The following FLI1 variants were observed in gnomAD, a reference collection of about 807,000 sequenced individuals.
FLI1 encodes Fli-1 proto-oncogene, ETS transcription factor.
Under a neutral mutation model 53.1 loss-of-function variants are expected in FLI1, and 13 were observed. The observed-to-expected ratio is 0.24, with a 90% CI of 0.16 to 0.39. The LOEUF (loss-of-function observed/expected upper bound fraction) is 0.39. FLI1 is among the 10% of genes least tolerant of loss of function. The pLI is 1.00. For missense variants in FLI1, 424 were observed against 600.5 expected, an observed-to-expected ratio of 0.71 and a Z score of 3.07; for synonymous variants, 244 against 236.7, an observed-to-expected ratio of 1.03 and a Z score of -0.28.
chr11:128,754,846 G>A (rs1488496840), intron 1 of FLI1, among the ~76,000 whole-genome samples: 1 of 152,206 alleles, frequency 6.6e-6, no homozygotes, highest in Admixed American at 6.5e-5. Flanking sequence ...CCGGTGAACC[G>A]GGACGCTCTC....
upstream of FLI1, chr11:128,686,239 C>A: frequency 2.4e-6 from 1 of 423,814 alleles, no homozygotes; most frequent in Non-Finnish European, 4.8e-6. Context: ...CTGTCCTGGT[C>A]GCGTTCTCTC....
chr11:128,685,269 G>A (rs563055479), upstream of FLI1, among the ~76,000 whole-genome samples: 113 of 152,328 alleles, frequency 7.4e-4, no homozygotes, highest in African/African-American at 2.5e-3. Flanking sequence ...TCACTGGCTG[G>A]GTTCTGGGAG....
intron 1 of FLI1, among the ~76,000 whole-genome samples, chr11:128,755,397 T>G (rs1391707215): frequency 1.3e-5 from 2 of 152,244 alleles, no homozygotes; most frequent in Non-Finnish European, 2.9e-5. Context: ...CATCTGTTTT[T>G]GTAGCAGGAC....
At position 128,784,024 on chromosome 11, in the gene FLI1, A is replaced by C. The variant is rs114236884; in HGVS notation, c.655+2001A>C. On this transcript the variant is annotated intron_variant, in intron 5 of 8. Transcript: ENST00000527786. ...GAAGGAGGAAGGGAGGGATGGGAGG[A>C]ACCCTAACCTCTGAACTGCTGAGTT... Among the ~76,000 whole-genome samples the C allele has an allele frequency of 8.9e-3, 1,353 of 152,122 alleles. 17 individuals are homozygous for C. The highest frequency in any genetic ancestry group is 0.027 in the African/African-American group (1,137 of 41,490).
chr11:128,793,742 T>A (rs56145199), intron 5 of FLI1, among the ~76,000 whole-genome samples: 18,099 of 152,262 alleles, frequency 0.12, 1,181 homozygotes, highest in East Asian at 0.27. Flanking sequence ...TGTGCTCTGC[T>A]ACATTAATGA....
In FLI1 at chr11:128,746,262, A is replaced by T. The variant is rs140914026; in HGVS notation, c.19-11853A>T. 2.5e-3 allele frequency among the ~76,000 whole-genome samples: 379 copies of T among 152,302 alleles called. 3 individuals are homozygous for T. Among genetic ancestry groups the T allele is most frequent in the African/African-American group, 8.0e-3 (334 of 41,550 alleles). Reference sequence around the variant, plus strand: ...ATGAAAACCAGGAATCAGACTGATGAGGTTCTTCTCTTCAGGGTGCCTAAC... The same window carrying T: ...ATGAAAACCAGGAATCAGACTGATGTGGTTCTTCTCTTCAGGGTGCCTAAC... On this transcript the variant is annotated intron_variant, in intron 1 of 8. Coordinates refer to ENST00000527786, the MANE Select transcript of FLI1 (RefSeq NM_002017.5).
chr11:128,694,243 C>A lies in FLI1; in HGVS notation c.-16C>A. ...ATGTGTGGAATATTGGGGGGCTCGG[C>A]TGCAGACTTGGCCAAATGGACGGGA... On this transcript the variant is annotated 5_prime_UTR_variant, in exon 1 of 9. It adds an upstream start codon to the 5' untranslated region. Coordinates refer to ENST00000527786, the MANE Select transcript of FLI1 (RefSeq NM_002017.5). 1 of 1,492,060 alleles carries A rather than the reference C, an allele frequency of 6.7e-7. No homozygotes were observed. Among genetic ancestry groups the A allele is most frequent in the African/African-American group, 1.5e-5 (1 of 68,572 alleles). 92.4% of individuals were successfully genotyped at this position (1,492,060 alleles called of 1,614,324 possible).
chr11:128,714,079 G>T (rs571350318), intron 1 of FLI1, among the ~76,000 whole-genome samples: 31 of 152,184 alleles, frequency 2.0e-4, no homozygotes, highest in African/African-American at 6.7e-4. Context: ...AGGTTAATAT[G>T]CCTTTACTAT....
intron 1 of FLI1, among the ~76,000 whole-genome samples, chr11:128,702,192 C>T (rs1938360168): frequency 6.6e-6 from 1 of 152,210 alleles, no homozygotes; most frequent in South Asian, 2.1e-4. Flanking sequence ...TGTATTCATT[C>T]ACCCAAATGT....
intron 1 of FLI1, among the ~76,000 whole-genome samples, chr11:128,753,315 G>A (rs1940725889): frequency 6.6e-6 from 1 of 152,234 alleles, no homozygotes; most frequent in South Asian, 2.1e-4. Context: ...TTCTCACTTG[G>A]AAGTCAATTT....
chr11:128,761,548 G>C (rs1284055764), intron 2 of FLI1, among the ~76,000 whole-genome samples: 1 of 152,176 alleles, frequency 6.6e-6, no homozygotes, highest in Non-Finnish European at 1.5e-5. Context: ...CTTCAATGCT[G>C]AGCCTGAGTT....
At chr11:128,736,086 T>C (rs750815709) in intron 1 of FLI1, among the ~76,000 whole-genome samples, 7 of 152,160 alleles carry the variant, frequency 4.6e-5, no homozygotes, top group Non-Finnish European at 1.0e-4. Flanking sequence ...ACTGAGACTT[T>C]CTTGTGTAAA....
chr11:128,735,697 A>C (rs1194348244), intron 1 of FLI1, among the ~76,000 whole-genome samples: 1 of 152,222 alleles, frequency 6.6e-6, no homozygotes, highest in East Asian at 1.9e-4. Context: ...AGTGAACCAG[A>C]AGTCTGAACT....
At chr11:128,758,644 T>C (rs1565485258) in intron 2 of FLI1, among the ~76,000 whole-genome samples, 2 of 152,216 alleles carry the variant, frequency 1.3e-5, no homozygotes, top group South Asian at 2.1e-4. Context: ...TCCAGTCCTG[T>C]TGGGGACAGC....
intron 1 of FLI1, among the ~76,000 whole-genome samples, chr11:128,756,579 T>G (rs1000670954): frequency 6.6e-6 from 1 of 152,244 alleles, no homozygotes; most frequent in Non-Finnish European, 1.5e-5. Flanking sequence ...ATGCTAATAA[T>G]CATGATACCT....
intron 7 of FLI1, among the ~76,000 whole-genome samples, chr11:128,808,728 T>A (rs596850): frequency 6.7e-5 from 8 of 118,666 alleles, no homozygotes; most frequent in African/African-American, 2.1e-4. Context: ...ATGCTACATT[T>A]AAAAAAAAAA....
At chr11:128,729,745 C>T (rs949317435) in intron 1 of FLI1, among the ~76,000 whole-genome samples, 2 of 152,136 alleles carry the variant, frequency 1.3e-5, no homozygotes, top group East Asian at 1.9e-4. Context: ...TCCAAGAGCC[C>T]GGTTCTTGAG....
At chr11:128,748,977 G>T (rs1238931948) in intron 1 of FLI1, among the ~76,000 whole-genome samples, 2 of 152,156 alleles carry the variant, frequency 1.3e-5, no homozygotes, top group African/African-American at 4.8e-5. Flanking sequence ...TAAAAATGTG[G>T]TCCTTGTTTG....
At chr11:128,780,705 C>T (rs1328418866) in intron 4 of FLI1, among the ~76,000 whole-genome samples, 1 of 152,222 alleles carries the variant, frequency 6.6e-6, no homozygotes, top group African/African-American at 2.4e-5. Flanking sequence ...GCGGCAACTC[C>T]ATTTCGGCAT....
Sources: gnomAD v4.1 joint callset for allele counts (sites outside exome capture counted in the v4.1 genomes callset) on GRCh38, gnomAD v4.1.1 for gene constraint, MANE v1.5 for transcripts, NCBI Gene and HGNC (gene_info 2026-07-23, HGNC 2026-07-21) for gene names.